Variants in RIF1 observed in about 807,000 individuals in gnomAD.
RIF1 encodes telomere-associated protein RIF1.
In RIF1, 45 loss-of-function variants were observed where a neutral mutation model predicts 247.1. The observed-to-expected ratio is 0.18, with a 90% confidence interval of 0.14 to 0.23. RIF1 has a LOEUF of 0.23. Among genes scored for constraint, RIF1 ranks in the 10% least tolerant of loss-of-function variants. The probability of loss-of-function intolerance (pLI) is 1.00; values close to 1 mark genes in which losing one functional copy is unlikely to be tolerated. For synonymous variants in RIF1, 1,087 were observed against 978.8 expected (o/e 1.11, Z -2.06); for missense variants, 2,967 against 2,862.5 (o/e 1.04, Z -0.83).
At chr2:151,534,040 C>G in the RIF1 span, among the ~76,000 whole-genome samples, 1 of 152,224 alleles carries the variant, frequency 6.6e-6, no homozygotes, top group African/African-American at 2.4e-5. Context: ...AGAGCATGGA[C>G]TGGCACACTC....
chr2:151,451,541 G>C, intron 20 of RIF1, 65 bp from the exon 21 acceptor site: 1 of 802,076 alleles, frequency 1.2e-6, no homozygotes, highest in East Asian at 2.5e-5. Context: ...TTTTCATGTT[G>C]CTTACTTTTG....
chr2:151,460,754 C>T (rs1696016045), intron 26 of RIF1, among the ~76,000 whole-genome samples: 1 of 152,128 alleles, frequency 6.6e-6, no homozygotes, highest in East Asian at 1.9e-4. Context: ...TATTGTAGTA[C>T]CAAAGTTACT....
At position 151,421,997 on chromosome 2, in the gene RIF1, G is replaced by A. The variant is rs1403109165; in HGVS notation, c.694-953G>A. 4.0e-5 allele frequency among the ~76,000 whole-genome samples: 6 copies of A among 151,670 alleles called. No homozygotes were observed. The South Asian group carries it at 8.3e-4, about 21-fold the overall frequency. On this transcript the variant is annotated intron_variant, in intron 7 of 35. Transcript: ENST00000444746. Reference sequence around the variant, plus strand: ...CAGGCACCTGCAACCATGCCCGACCGATATTTGTATTTTTAGTAGAGATGG... The same window carrying A: ...CAGGCACCTGCAACCATGCCCGACCAATATTTGTATTTTTAGTAGAGATGG...
Position 151,474,063 on chromosome 2 carries a change from C to T in RIF1, c.7195C>T (p.Leu2399Phe). The change falls in exon 35 of 36, where the codon CTT (leucine) becomes TTT (phenylalanine). Residue 2399 changes from leucine to phenylalanine, a missense_variant. Around this residue, in one of 7 missense-constraint regions of RIF1, gnomAD observed 151 missense variants for 163.4 expected, o/e 0.92. Transcript: ENST00000444746. ...NKSLSPDEER[L>F]VSDIIDPVAL... Reference sequence around the variant, plus strand: ...ATCTTTGTCACCTGATGAAGAAAGACTTGTCTCAGGTATATTTTAGCAAAA... The same window carrying T: ...ATCTTTGTCACCTGATGAAGAAAGATTTGTCTCAGGTATATTTTAGCAAAA... The T allele has an allele frequency of 2.0e-6, 3 of 1,467,238 alleles. No homozygotes were observed. The highest frequency in any genetic ancestry group is 2.4e-5 in the South Asian group (2 of 85,046). 90.9% of individuals were successfully genotyped at this position (1,467,238 alleles called of 1,614,324 possible). A position where few individuals can be genotyped will look rare whatever the true frequency, so the allele number is the denominator to read the frequency against.
At position 151,468,551 on chromosome 2, in the gene RIF1, A is replaced by G; in HGVS notation, c.6825A>G (p.Leu2275=). The stretch of plus-strand genomic sequence containing the variant: ...AATTTAAGAGCTCAAAGAAGTGTTT[A>G]GTAAGAAGTGCTTTAGTTTTCATGT... The part of the protein sequence containing the change: ...SPKFKSSKKC[L]ISEMAKESIP... Residue 2275 remains leucine (L), a splice_region_variant and synonymous_variant, in exon 32 of 36, where the codon TTA becomes TTG. Coordinates refer to ENST00000444746, the MANE Select transcript of RIF1 (RefSeq NM_018151.5). 1 of 1,611,604 alleles carries G rather than the reference A, an allele frequency of 6.2e-7. No individual in the cohort carries two copies. Among genetic ancestry groups the G allele is most frequent in the Non-Finnish European group, 8.5e-7 (1 of 1,177,724 alleles).
intron 9 of RIF1, chr2:151,492,604 T>C (rs188926325): frequency 3.1e-5 from 22 of 720,336 alleles, no homozygotes; most frequent in Middle Eastern, 4.3e-4. Context: ...TTGGGTCAAC[T>C]GAAGGGGCCC....
chr2:151,460,497 T>C (rs1574110285), intron 26 of RIF1, among the ~76,000 whole-genome samples: 1 of 140,972 alleles, frequency 7.1e-6, no homozygotes, highest in Admixed American at 7.6e-5. Context: ...TGAATAGAAA[T>C]AAATAATGCC....
Position 151,457,826 on chromosome 2 carries a change from T to G in RIF1, c.2718T>G (p.Ser906Arg), listed in dbSNP as rs539050147. 3 of 1,613,752 alleles carry G rather than the reference T, an allele frequency of 1.9e-6. No individual in the cohort carries two copies. The highest frequency in any genetic ancestry group is 2.5e-6 in the Non-Finnish European group (3 of 1,179,840). The part of the protein sequence containing the change: ...LQFSYTGTYD[S>R]ELLEQLSPLL... Reference sequence around the variant, plus strand: ...TCAGCTACACCGGAACTTATGATAGTGAACTTCTTGAACAACTCTCCCCAC... The same window carrying G: ...TCAGCTACACCGGAACTTATGATAGGGAACTTCTTGAACAACTCTCCCCAC... The change falls in exon 24 of 36, where the codon AGT becomes AGG. Residue 906 changes from serine to arginine, a missense_variant. By Grantham distance (110) the Ser-to-Arg change is moderately radical (BLOSUM62 -1). Transcript: ENST00000444746.
At chr2:151,524,753 G>A in the RIF1 span, 7 of 691,638 alleles carry the variant, frequency 1.0e-5, no homozygotes, top group South Asian at 1.3e-4. Context: ...TGCAACTTCT[G>A]TCTCCCGGAT....
At chr2:151,420,140 G>A in intron 6 of RIF1, 50 bp from the exon 7 acceptor site, 1 of 1,524,770 alleles carries the variant, frequency 6.6e-7, no homozygotes, top group Non-Finnish European at 9.0e-7. Context: ...TGCTTGTTTA[G>A]ACTTAAAACA....
intron 18 of RIF1, 75 bp downstream of exon 18, chr2:151,443,784 G>A: frequency 6.8e-6 from 6 of 884,296 alleles, no homozygotes; most frequent in Non-Finnish European, 4.9e-6. Context: ...GAAATGAATA[G>A]AAGTTTGAAT....
intron 6 of RIF1, among the ~76,000 whole-genome samples, chr2:151,418,783 G>A (rs966359388): frequency 2.0e-5 from 3 of 151,868 alleles, no homozygotes; most frequent in African/African-American, 7.3e-5. Flanking sequence ...CTGAGGCATT[G>A]AGAATCACTT....
Position 151,475,477 on chromosome 2 carries a change from TGTTTGTTG to T in RIF1, c.*414_*421del, listed in dbSNP as rs1409659612. 1 of 178,550 alleles carries T rather than the reference TGTTTGTTG, an allele frequency of 5.6e-6. No homozygotes were observed. Among genetic ancestry groups the T allele is most frequent in the Non-Finnish European group, 1.2e-5 (1 of 84,978 alleles). The allele number at this position is 178,550 out of a possible 1,614,324, so 11.1% of individuals were successfully genotyped here. A position where few individuals can be genotyped will look rare whatever the true frequency, so the allele number is the denominator to read the frequency against. ...GAACTGATAAAGGTGTTTATATTTT[TGTTTGTTG>T]GTTTGTTTAATTCATGTTTGTTGGG... is the stretch of plus-strand genomic sequence containing the variant. On this transcript the variant is annotated 3_prime_UTR_variant, in exon 36 of 36. Transcript: ENST00000444746.
At chr2:151,531,113 A>G in the RIF1 span, 1 of 1,543,980 alleles carries the variant, frequency 6.5e-7, no homozygotes. Context: ...TGAAAGATCA[A>G]AAAGCAGAAA....
At chr2:151,502,920 A>G in intron 11 of RIF1, 1 of 1,304,808 alleles carries the variant, frequency 7.7e-7, no homozygotes. Context: ...GAGGACATTT[A>G]AAACAGGCAC....
Position 151,476,876 on chromosome 2 carries a change from C to G in RIF1, c.*1805C>G, listed in dbSNP as rs547819427. ...GTTTGGGGCAGAGGGGAGCAGATTACTTTAACACACTTCAGAATTAAAATC... is the reference window on the plus strand; with the variant it reads ...GTTTGGGGCAGAGGGGAGCAGATTAGTTTAACACACTTCAGAATTAAAATC... On this transcript the variant is annotated 3_prime_UTR_variant, in exon 36 of 36. Coordinates refer to ENST00000444746, the MANE Select transcript of RIF1 (RefSeq NM_018151.5). 2.6e-5 allele frequency: 4 copies of G among 152,170 alleles called. No individual in the cohort carries two copies. Among genetic ancestry groups the G allele is most frequent in the Admixed American group, 1.3e-4 (2 of 15,272 alleles). The allele number at this position is 152,170 out of a possible 1,614,324, so 9.4% of individuals were successfully genotyped here. A position where few individuals can be genotyped will look rare whatever the true frequency, so the allele number is the denominator to read the frequency against.
intron 23 of RIF1, 33 bp from the exon 24 acceptor site, chr2:151,457,728 T>C: frequency 1.4e-6 from 2 of 1,466,046 alleles, no homozygotes; most frequent in Non-Finnish European, 1.9e-6. Flanking sequence ...ATATTTAGTA[T>C]ATGTTTTGCT....
intron 9 of RIF1, among the ~76,000 whole-genome samples, chr2:151,487,434 A>G (rs1213139610): frequency 2.0e-5 from 3 of 152,158 alleles, no homozygotes; most frequent in Non-Finnish European, 4.4e-5. Context: ...TCACAAATAG[A>G]TTTCCTTTCC....
Position 151,458,284 on chromosome 2 carries a change from G to A in RIF1, c.2855+321G>A, listed in dbSNP as rs534634951. On this transcript the variant is annotated intron_variant, in intron 24 of 35. Transcript: ENST00000444746. ...GTCTCACTCTGTCGCCCAGGCTGGAGTGCAGTGGTGCGATCTGGGCTCACT... is the reference window on the plus strand; with the variant it reads ...GTCTCACTCTGTCGCCCAGGCTGGAATGCAGTGGTGCGATCTGGGCTCACT... 3.1e-4 allele frequency among the ~76,000 whole-genome samples: 44 copies of A among 143,622 alleles called. 1 individual carries two copies. In the South Asian group the frequency reaches 8.8e-3, roughly 29 times the overall value. 94.2% of individuals were successfully genotyped at this position (143,622 alleles called of 152,430 possible).
Sources: gnomAD v4.1 joint callset for allele counts (sites outside exome capture counted in the v4.1 genomes callset) on GRCh38, gnomAD v4.1.1 for gene constraint, gnomAD v4.1.1 regional missense constraint, MANE v1.5 for transcripts, NCBI Gene and HGNC (gene_info 2026-07-23, HGNC 2026-07-21) for gene names.